FILIP1L: variants seen among roughly 807,000 people sequenced by gnomAD.
The protein encoded by FILIP1L is filamin A interacting protein 1 like, also known as filamin A-interacting protein 1-like.
Under a neutral mutation model 96.6 loss-of-function variants are expected in FILIP1L, and 55 were observed. The observed-to-expected ratio is 0.57, with a 90% CI of 0.46 to 0.71. The LOEUF (loss-of-function observed/expected upper bound fraction) is 0.71. Among genes scored for constraint, FILIP1L ranks in the 30% least tolerant of loss-of-function variants. The pLI is 0.00. For synonymous variants in FILIP1L, 467 were observed against 473.9 expected, an observed-to-expected ratio of 0.99 and a Z score of 0.19; for missense variants, 1,304 against 1,321.2, an observed-to-expected ratio of 0.99 and a Z score of 0.20.
chr3:100,076,263 A>G (rs2065849134), intron 1 of FILIP1L, among the ~76,000 whole-genome samples: 1 of 152,112 alleles, frequency 6.6e-6, no homozygotes, highest in Non-Finnish European at 1.5e-5. Context: ...TCATATGCTT[A>G]TCTCTGTAAA....
intron 1 of FILIP1L, chr3:100,051,288 CCAGAAGACTG>C (rs2065367349): frequency 6.6e-6 from 1 of 151,612 alleles, no homozygotes; most frequent in South Asian, 2.1e-4. Flanking sequence ...TTAGAATAAT[CCAGAAGACTG>C]AAAGAGTAGT....
chr3:99,863,626 T>C (rs2107561989), intron 4 of FILIP1L, among the ~76,000 whole-genome samples: 1 of 152,346 alleles, frequency 6.6e-6, no homozygotes, highest in South Asian at 2.1e-4. Flanking sequence ...TTTCAGTCTA[T>C]TTTGTGTACT....
rs1428220479 is a variant in FILIP1L, at chr3:99,830,467, T to A, written c.3520A>T (p.Ile1174Phe). The stretch of plus-strand genomic sequence containing the variant: ...GTGTTGGAGGTGACAGTTCTCACGA[T>A]GTGTAGCTTCCCACAGCCATTTTGG... The part of the protein sequence containing the change: ...IYQNGCGKLH[I>F]VRTVTSNTFL... Residue 1174 changes from isoleucine to phenylalanine, a missense_variant, in exon 6 of 6, where the codon ATC (isoleucine) becomes TTC (phenylalanine). By Grantham distance (21) the Ile-to-Phe change is conservative (BLOSUM62 0). Transcript: ENST00000477258. 4.4e-6 allele frequency: 2 copies of A among 456,428 alleles called. No homozygotes were observed. Among genetic ancestry groups the A allele is most frequent in the Non-Finnish European group, 8.8e-6 (2 of 226,866 alleles). The allele number at this position is 456,428 out of a possible 1,614,324, so 28.3% of individuals were successfully genotyped here. A position where few individuals can be genotyped will look rare whatever the true frequency, so the allele number is the denominator to read the frequency against.
chr3:100,069,835 G>A (rs1007276728), intron 1 of FILIP1L, among the ~76,000 whole-genome samples: 4 of 152,130 alleles, frequency 2.6e-5, no homozygotes, highest in African/African-American at 9.7e-5. Context: ...TTTGCCCTAC[G>A]AGAGGGAGCT....
At chr3:100,047,557 A>G (rs1031983459) in intron 1 of FILIP1L, among the ~76,000 whole-genome samples, 1 of 152,216 alleles carries the variant, frequency 6.6e-6, no homozygotes, top group African/African-American at 2.4e-5. Flanking sequence ...GGCCACAAAT[A>G]AAACACTGGT....
chr3:99,840,221 CTT>C lies in FILIP1L; in HGVS notation c.3381+8072_3381+8073del, dbSNP rs10935982. On this transcript the variant is annotated intron_variant, in intron 5 of 5. Coordinates refer to ENST00000477258, the MANE Select transcript of FILIP1L (RefSeq NM_001387850.1). Reference sequence around the variant, plus strand: ...GGTAAAAGAAATTAATTCGTAGAATCTTTTTTTTTTTTTTTTTTTTTTGAGAC... The same window carrying C: ...GGTAAAAGAAATTAATTCGTAGAATCTTTTTTTTTTTTTTTTTTTTGAGAC... Among the ~76,000 whole-genome samples the C allele has an allele frequency of 3.9e-4, 40 of 102,128 alleles. No homozygotes were observed. In the East Asian group the frequency reaches 0.01, roughly 26 times the overall value. The allele number at this position is 102,128 out of a possible 152,430, so 67.0% of individuals were successfully genotyped here. A position where few individuals can be genotyped will look rare whatever the true frequency, so the allele number is the denominator to read the frequency against.
chr3:100,080,529 T>C (rs1422038894), intron 1 of FILIP1L, among the ~76,000 whole-genome samples: 1 of 152,162 alleles, frequency 6.6e-6, no homozygotes, highest in Non-Finnish European at 1.5e-5. Flanking sequence ...AATGCAGATA[T>C]AGGTGATCTG....
Position 100,036,042 on chromosome 3 carries a change from T to C in FILIP1L, c.-11+78011A>G, listed in dbSNP as rs143709193. ...GTGTAATTATAAGTCCATTGTAACA[T>C]AGAACCCAAAACTAAAAACCCCTGT... On this transcript the variant is annotated intron_variant, in intron 1 of 5. Transcript: ENST00000477258. Among the ~76,000 whole-genome samples, 37 of 152,326 alleles carry C rather than the reference T, an allele frequency of 2.4e-4. No individual in the cohort carries two copies. The East Asian group carries it at 6.6e-3, about 27-fold the overall frequency.
intron 1 of FILIP1L, among the ~76,000 whole-genome samples, chr3:100,041,965 T>C (rs571128359): frequency 3.7e-4 from 56 of 152,316 alleles, no homozygotes; most frequent in African/African-American, 1.3e-3. Context: ...ACAGGGACCA[T>C]TGCCATTCCT....
At chr3:100,053,434 G>A (rs750269692) in intron 1 of FILIP1L, among the ~76,000 whole-genome samples, 4 of 152,134 alleles carry the variant, frequency 2.6e-5, no homozygotes, top group Non-Finnish European at 5.9e-5. Flanking sequence ...TCCCAAATCT[G>A]CCGCTGTCTT....
At chr3:100,008,464 A>G (rs1710051175) in intron 1 of FILIP1L, among the ~76,000 whole-genome samples, 2 of 152,202 alleles carry the variant, frequency 1.3e-5, no homozygotes, top group Non-Finnish European at 2.9e-5. Flanking sequence ...AGTCATTGGT[A>G]TCCTGCAATT....
Position 100,027,434 on chromosome 3 carries a change from T to C in FILIP1L, c.-11+86619A>G, listed in dbSNP as rs182317236. On this transcript the variant is annotated intron_variant, in intron 1 of 5. Transcript: ENST00000477258. ...AGGCCAAACCTGGGCTGTACTTCTT[T>C]TGGCCTAGAGTCAAAAAGAAGAATG... Among the ~76,000 whole-genome samples the C allele has an allele frequency of 1.1e-4, 16 of 152,294 alleles. No homozygotes were observed. The East Asian group carries it at 1.3e-3, about 13-fold the overall frequency.
chr3:99,919,817 A>C lies in FILIP1L; in HGVS notation c.605+4413T>G, dbSNP rs1193345613. On this transcript the variant is annotated intron_variant, in intron 4 of 5. Transcript: ENST00000477258. ...GGTGGAAGTGCTTTGTTCTTCATTG[A>C]AACTTAACAGCAAAGAACTTCCCAG... is the stretch of plus-strand genomic sequence containing the variant. Among the ~76,000 whole-genome samples the C allele has an allele frequency of 1.3e-5, 2 of 152,240 alleles. 1 individual carries two copies. Among genetic ancestry groups the C allele is most frequent in the African/African-American group, 4.8e-5 (2 of 41,462 alleles).
intron 1 of FILIP1L, among the ~76,000 whole-genome samples, chr3:100,065,859 T>C (rs2065654641): frequency 6.6e-6 from 1 of 152,262 alleles, no homozygotes; most frequent in South Asian, 2.1e-4. Context: ...TAATACTGTG[T>C]TCTATGCTGT....
intron 1 of FILIP1L, among the ~76,000 whole-genome samples, chr3:100,017,710 A>T (rs1353884540): frequency 6.6e-6 from 1 of 151,206 alleles, no homozygotes; most frequent in African/African-American, 2.4e-5. Context: ...GGATCCCTTG[A>T]GCCCAGGAGT....
At chr3:100,010,636 A>G (rs1710119910) in intron 1 of FILIP1L, among the ~76,000 whole-genome samples, 2 of 146,112 alleles carry the variant, frequency 1.4e-5, no homozygotes, top group Admixed American at 6.9e-5. Flanking sequence ...GTTTTTGGAG[A>G]TGGAGTGTCC....
intron 1 of FILIP1L, among the ~76,000 whole-genome samples, chr3:100,048,441 C>A (rs1263309579): frequency 6.6e-6 from 1 of 152,056 alleles, no homozygotes; most frequent in Non-Finnish European, 1.5e-5. Context: ...CCAGCTCTTC[C>A]CTGCAGCTGT....
chr3:99,907,701 A>G (rs543241213), intron 4 of FILIP1L, among the ~76,000 whole-genome samples: 15 of 152,000 alleles, frequency 9.9e-5, no homozygotes, highest in African/African-American at 3.6e-4. Flanking sequence ...CCCTTCCCTT[A>G]TGCTATTAAG....
intron 1 of FILIP1L, among the ~76,000 whole-genome samples, chr3:100,013,223 T>C (rs1474377300): frequency 6.7e-6 from 1 of 148,804 alleles, no homozygotes; most frequent in East Asian, 2.0e-4. Context: ...GGTGTTGTTG[T>C]TGTTGTTGTT....
Sources: allele counts gnomAD v4.1 joint callset (sites outside exome capture counted in the v4.1 genomes callset), GRCh38; gene constraint gnomAD v4.1.1; transcripts MANE v1.5; gene names NCBI Gene and HGNC (gene_info 2026-07-23, HGNC 2026-07-21).